ROBO2: variants seen among roughly 807,000 people sequenced by gnomAD.
ROBO2 encodes the protein roundabout guidance receptor 2.
Under a neutral mutation model 160.8 loss-of-function variants are expected in ROBO2, and 53 were observed. The ratio of observed to expected loss-of-function variants is 0.33; its 90% CI spans 0.26 to 0.41. The LOEUF is 0.41. ROBO2 is among the 10% of genes least tolerant of loss of function. The pLI is 1.00. For synonymous variants in ROBO2, 664 were observed against 611.7 expected (o/e 1.09, Z -1.26); for missense variants, 1,577 against 1,722.4 (o/e 0.92, Z 1.49).
chr3:76,158,658 G>A (rs933778007), intron 2 of ROBO2, among the ~76,000 whole-genome samples: 2 of 152,110 alleles, frequency 1.3e-5, no homozygotes, highest in African/African-American at 4.8e-5. Flanking sequence ...AATGATGGGA[G>A]CATTCACATA....
intron 2 of ROBO2, among the ~76,000 whole-genome samples, chr3:76,719,756 C>T (rs1251285356): frequency 6.6e-6 from 1 of 151,822 alleles, no homozygotes; most frequent in Non-Finnish European, 1.5e-5. Flanking sequence ...TGGTGGTGAG[C>T]ACCTGTAGTC....
intron 2 of ROBO2, among the ~76,000 whole-genome samples, chr3:76,333,712 A>C (rs752399007): frequency 1.3e-5 from 2 of 152,102 alleles, no homozygotes; most frequent in Non-Finnish European, 2.9e-5. Context: ...ATAGTATTCC[A>C]TGGTGTATAT....
chr3:77,033,303 A>G (rs2063435098), intron 2 of ROBO2, among the ~76,000 whole-genome samples: 1 of 152,178 alleles, frequency 6.6e-6, no homozygotes, highest in African/African-American at 2.4e-5. Context: ...ATTAGAGAAG[A>G]CTAATATTTT....
At chr3:77,572,009 G>A (rs892434750) in intron 13 of ROBO2, among the ~76,000 whole-genome samples, 1 of 151,792 alleles carries the variant, frequency 6.6e-6, no homozygotes, top group Admixed American at 6.6e-5. Context: ...AAGTGTGCAA[G>A]TGTGCAAAAC....
chr3:76,095,531 C>G (rs906257335), intron 2 of ROBO2, among the ~76,000 whole-genome samples: 1 of 151,954 alleles, frequency 6.6e-6, no homozygotes, highest in Non-Finnish European at 1.5e-5. Context: ...AATGATAACT[C>G]AAATAATGAA....
chr3:77,501,182 G>C (rs1330034914), intron 5 of ROBO2, among the ~76,000 whole-genome samples: 1 of 152,014 alleles, frequency 6.6e-6, no homozygotes, highest in African/African-American at 2.4e-5. Flanking sequence ...CAAACTATAG[G>C]ACAAGCCAGA....
At chr3:77,031,385 C>T (rs1351074631) in intron 2 of ROBO2, among the ~76,000 whole-genome samples, 1 of 149,688 alleles carries the variant, frequency 6.7e-6, no homozygotes, top group East Asian at 1.9e-4. Context: ...AAAAAACTTC[C>T]TTTTTTATAT....
At chr3:76,774,770 G>A (rs200286568) in intron 2 of ROBO2, among the ~76,000 whole-genome samples, 1 of 148,656 alleles carries the variant, frequency 6.7e-6, no homozygotes, top group Non-Finnish European at 1.5e-5. Context: ...CTTATTTTTT[G>A]CCTTCAATTA....
intron 2 of ROBO2, among the ~76,000 whole-genome samples, chr3:76,176,842 T>C (rs2107061433): frequency 6.6e-6 from 1 of 152,254 alleles, no homozygotes; most frequent in East Asian, 1.9e-4. Flanking sequence ...ATAATATGTG[T>C]ATGTCATTTC....
intron 2 of ROBO2, among the ~76,000 whole-genome samples, chr3:76,846,467 G>A (rs1408442877): frequency 6.6e-6 from 1 of 152,000 alleles, no homozygotes; most frequent in Non-Finnish European, 1.5e-5. Flanking sequence ...TAAGAAACCT[G>A]AAAACCTGAA....
chr3:76,999,798 A>G (rs2061239478), intron 2 of ROBO2, among the ~76,000 whole-genome samples: 1 of 152,146 alleles, frequency 6.6e-6, no homozygotes, highest in Admixed American at 6.6e-5. Flanking sequence ...GCTGATTTTC[A>G]TCTTTGTAAG....
At chr3:77,452,024 G>GT (rs1471390642) in intron 2 of ROBO2, among the ~76,000 whole-genome samples, 1 of 151,890 alleles carries the variant, frequency 6.6e-6, no homozygotes, top group Non-Finnish European at 1.5e-5. Flanking sequence ...GCGGTGTTTG[G>GT]TTTTTTGTCC....
In ROBO2 at chr3:76,046,574, G is replaced by C. The variant is rs367681951; in HGVS notation, c.109+108972G>C. Among the ~76,000 whole-genome samples the C allele has an allele frequency of 1.5e-3, 228 of 152,042 alleles. 7 individuals carry two copies. The South Asian group carries it at 0.044, about 29-fold the overall frequency. On this transcript the variant is annotated intron_variant, in intron 2 of 26. Coordinates refer to the ROBO2 transcript ENST00000487694. The stretch of plus-strand genomic sequence containing the variant: ...GAGGCAGGAGAATGGCGTGAACCCG[G>C]GAGGCGGAGCTTGCAGTGAGCCGAG...
chr3:76,937,691 T>A (rs1237663507), intron 2 of ROBO2, among the ~76,000 whole-genome samples: 2 of 152,162 alleles, frequency 1.3e-5, no homozygotes, highest in East Asian at 1.9e-4. Flanking sequence ...AAACTGAATA[T>A]AAAACTCTGC....
At chr3:76,757,148 A>G (rs557394045) in intron 2 of ROBO2, among the ~76,000 whole-genome samples, 8 of 151,992 alleles carry the variant, frequency 5.3e-5, no homozygotes, top group South Asian at 2.1e-4. Flanking sequence ...ATGAATAATT[A>G]TCTCCATTTT....
At chr3:76,993,201 C>G (rs2060791517) in intron 2 of ROBO2, among the ~76,000 whole-genome samples, 1 of 140,378 alleles carries the variant, frequency 7.1e-6, no homozygotes, top group Non-Finnish European at 1.5e-5. Context: ...TTCTGACTTA[C>G]AGTCAATCTC....
chr3:76,622,224 AAGGAAGGAAGG>A lies in ROBO2; in HGVS notation c.110-475788_110-475778del. Among the ~76,000 whole-genome samples the A allele has an allele frequency of 3.2e-4, 18 of 55,898 alleles. 1 individual carries two copies. The highest frequency in any genetic ancestry group is 1.2e-3 in the African/African-American group (14 of 11,964). 36.7% of individuals were successfully genotyped at this position (55,898 alleles called of 152,430 possible). ...GAAGGAAGGAAGGAAGGAAGGAAGG[AAGGAAGGAAGG>A]AAGAAAGAAAGAAAGAAAGAAAGAA... On this transcript the variant is annotated intron_variant, in intron 2 of 26. Coordinates refer to the ROBO2 transcript ENST00000487694.
At chr3:77,607,323 T>C (rs1383859476) in intron 20 of ROBO2, among the ~76,000 whole-genome samples, 1 of 152,256 alleles carries the variant, frequency 6.6e-6, no homozygotes, top group Non-Finnish European at 1.5e-5. Flanking sequence ...TCAGTTACTT[T>C]TGGGATAAAA....
chr3:76,109,180 G>A (rs536221522), intron 2 of ROBO2, among the ~76,000 whole-genome samples: 15 of 151,858 alleles, frequency 9.9e-5, no homozygotes, highest in Middle Eastern at 3.4e-3. Context: ...ATAAACTATC[G>A]CATGGATAGT....
Sources: gnomAD v4.1 joint callset for allele counts (sites outside exome capture counted in the v4.1 genomes callset) on GRCh38, gnomAD v4.1.1 for gene constraint, MANE v1.5 for transcripts, NCBI Gene and HGNC (gene_info 2026-07-23, HGNC 2026-07-21) for gene names.